The following ABCA13 variants were observed in gnomAD, a reference collection of about 807,000 sequenced individuals.
The protein encoded by ABCA13 is ATP-binding cassette sub-family A member 13.
In ABCA13, 476 loss-of-function variants were observed where a neutral mutation model predicts 478.7. That is an observed-to-expected ratio of 0.99 (90% CI 0.92 to 1.07). ABCA13 has a LOEUF of 1.07. Among genes scored for constraint, ABCA13 ranks in the 50% least tolerant of loss-of-function variants. The pLI is 0.00. For synonymous variants in ABCA13, 2,252 were observed against 2,158.9 expected, an observed-to-expected ratio of 1.04 and a Z score of -1.20; for missense variants, 6,060 against 5,910.6, an observed-to-expected ratio of 1.03 and a Z score of -0.83.
chr7:48,549,226 G>A lies in ABCA13; in HGVS notation c.14354+20881G>A, dbSNP rs576863576. On this transcript the variant is annotated intron_variant, in intron 55 of 61. Coordinates refer to ENST00000435803, the MANE Select transcript of ABCA13 (RefSeq NM_152701.5). ...CTTTCCCTCCCCTTGCCCTCTACCCGCCAACAGGCCCAGGTGTGTGTTGTT... is the reference window on the plus strand; with the variant it reads ...CTTTCCCTCCCCTTGCCCTCTACCCACCAACAGGCCCAGGTGTGTGTTGTT... 4.0e-5 allele frequency among the ~76,000 whole-genome samples: 6 copies of A among 151,526 alleles called. 1 individual carries two copies. The highest frequency in any genetic ancestry group is 1.4e-4 in the African/African-American group (6 of 41,408).
intron 55 of ABCA13, among the ~76,000 whole-genome samples, chr7:48,548,214 C>T (rs1413806495): frequency 6.6e-6 from 1 of 151,902 alleles, no homozygotes; most frequent in African/African-American, 2.4e-5. Context: ...ACATATATTT[C>T]TATATTCCTA....
chr7:48,305,400 G>A (rs1157296329), intron 23 of ABCA13, among the ~76,000 whole-genome samples: 1 of 152,146 alleles, frequency 6.6e-6, no homozygotes, highest in African/African-American at 2.4e-5. Flanking sequence ...GCTCAAATGG[G>A]TCCCCAATGG....
At chr7:48,443,628 G>A (rs938891884) in intron 42 of ABCA13, among the ~76,000 whole-genome samples, 4 of 152,150 alleles carry the variant, frequency 2.6e-5, no homozygotes, top group African/African-American at 7.2e-5. Context: ...ATCATTTGGA[G>A]TCTGCAGGCT....
intron 42 of ABCA13, among the ~76,000 whole-genome samples, chr7:48,440,841 G>A (rs79984270): frequency 0.02 from 3,040 of 152,004 alleles, 44 homozygotes; most frequent in Middle Eastern, 0.032. Flanking sequence ...AATAAAACAC[G>A]TGCAATAAAA....
chr7:48,244,607 C>T lies in ABCA13; in HGVS notation c.1294C>T (p.Leu432=), dbSNP rs779476708. 4.3e-6 allele frequency: 7 copies of T among 1,613,362 alleles called. No individual in the cohort carries two copies. In the African/African-American group the frequency reaches 6.7e-5, roughly 15 times the overall value. The change falls in exon 11 of 62, where the codon CTG becomes TTG. Residue 432 remains leucine (L), a synonymous_variant. Transcript: ENST00000435803. ...LQHLWKLQSL[L]QNLPQWPALK... is the part of the protein sequence containing the mutation. Reference sequence around the variant, plus strand: ...GCATCTGTGGAAATTGCAAAGCTTGCTGCAAAACCTGCCCCAGTGGCCGGC... The same window carrying T: ...GCATCTGTGGAAATTGCAAAGCTTGTTGCAAAACCTGCCCCAGTGGCCGGC...
Position 48,372,429 on chromosome 7 carries a change from A to C in ABCA13, c.11065A>C (p.Ser3689Arg), listed in dbSNP as rs1360293837. ...TTGTACCAGCCTGGTGTACATGATC[A>C]GCTTTCTGCCCTACATAGTTCTATT... The part of the protein sequence containing the change: ...ALCTSLVYMI[S>R]FLPYIVLLVL... The change falls in exon 33 of 62, where the codon AGC becomes CGC. Residue 3689 changes from serine (S) to arginine (R), a missense_variant. Ser to Arg is a moderately radical substitution (Grantham distance 110). Coordinates refer to ENST00000435803, the MANE Select transcript of ABCA13 (RefSeq NM_152701.5). 6.8e-6 allele frequency: 11 copies of C among 1,613,750 alleles called. No homozygotes were observed. Among genetic ancestry groups the C allele is most frequent in the Middle Eastern group, 1.7e-4 (1 of 6,060 alleles).
intron 42 of ABCA13, among the ~76,000 whole-genome samples, chr7:48,434,406 A>G (rs931802901): frequency 1.3e-5 from 2 of 151,912 alleles, no homozygotes; most frequent in Admixed American, 6.6e-5. Flanking sequence ...TTTTCTGGAT[A>G]TTAATCTCAT....
chr7:48,352,627 A>C, intron 31 of ABCA13, 140 bp downstream of exon 31: 1 of 985,034 alleles, frequency 1.0e-6, no homozygotes, highest in South Asian at 2.0e-5. Flanking sequence ...TAATTTCGTA[A>C]GGTTCATTTT....
At chr7:48,175,043 C>T (rs1409446948) in intron 1 of ABCA13, among the ~76,000 whole-genome samples, 3 of 152,168 alleles carry the variant, frequency 2.0e-5, no homozygotes, top group Non-Finnish European at 4.4e-5. Flanking sequence ...TGCTTTTGGG[C>T]AGGTGGAGAT....
chr7:48,438,386 G>A (rs1397166387), intron 42 of ABCA13, among the ~76,000 whole-genome samples: 1 of 152,018 alleles, frequency 6.6e-6, no homozygotes, highest in Non-Finnish European at 1.5e-5. Flanking sequence ...AGTTGTTTTA[G>A]TCAGTCTGTA....
intron 32 of ABCA13, among the ~76,000 whole-genome samples, chr7:48,369,484 G>A (rs1254169135): frequency 6.6e-6 from 1 of 152,078 alleles, no homozygotes; most frequent in Non-Finnish European, 1.5e-5. Flanking sequence ...GTATAGAAGG[G>A]TTTTTCTGAT....
chr7:48,361,011 GC>G (rs1297806271), intron 31 of ABCA13, among the ~76,000 whole-genome samples: 8 of 151,510 alleles, frequency 5.3e-5, no homozygotes, highest in Non-Finnish European at 1.0e-4. Context: ...GGGGAGAATT[GC>G]TTGAGCCCAG....
At chr7:48,538,176 C>T (rs973007971) in intron 55 of ABCA13, among the ~76,000 whole-genome samples, 2 of 144,124 alleles carry the variant, frequency 1.4e-5, no homozygotes, top group African/African-American at 5.2e-5. Context: ...TCTCAGCTCA[C>T]TGTAACCTCT....
chr7:48,556,938 T>G (rs1164006785), intron 55 of ABCA13, among the ~76,000 whole-genome samples: 1 of 152,116 alleles, frequency 6.6e-6, no homozygotes, highest in African/African-American at 2.4e-5. Flanking sequence ...TTCTGCTTTT[T>G]ATTTTGTTGT....
chr7:48,271,742 T>A, intron 16 of ABCA13, 45 bp from the exon 17 acceptor site: 1 of 1,152,138 alleles, frequency 8.7e-7, no homozygotes, highest in Non-Finnish European at 1.1e-6. Context: ...ATAAATCAAA[T>A]TTATTTTTTT....
At chr7:48,574,575 C>T (rs1023190474) in intron 55 of ABCA13, among the ~76,000 whole-genome samples, 1 of 152,146 alleles carries the variant, frequency 6.6e-6, no homozygotes, top group African/African-American at 2.4e-5. Context: ...CCTAGAGTTA[C>T]AGGGTTTTTC....
intron 54 of ABCA13, among the ~76,000 whole-genome samples, chr7:48,526,553 G>A (rs901965845): frequency 5.9e-5 from 9 of 152,100 alleles, no homozygotes; most frequent in African/African-American, 2.2e-4. Flanking sequence ...GTGTCATTAG[G>A]TGATTTCATT....
chr7:48,338,040 G>C (rs1015222602), intron 28 of ABCA13, among the ~76,000 whole-genome samples: 1 of 152,094 alleles, frequency 6.6e-6, no homozygotes, highest in Non-Finnish European at 1.5e-5. Flanking sequence ...GCAAAGGAAA[G>C]GAATCTTATA....
Position 48,313,101 on chromosome 7 carries a change from A to G in ABCA13, c.9551A>G (p.Asn3184Ser), listed in dbSNP as rs112606040. 19,259 of 1,609,066 alleles carry G rather than the reference A, an allele frequency of 0.012. 235 individuals carry two copies. The highest frequency in any genetic ancestry group is 0.059 in the Middle Eastern group (357 of 6,032). Reference protein sequence around the residue: ...LMPSEANGLLNSLLDIVSSLS... With the variant: ...LMPSEANGLLSSLLDIVSSLS... Reference sequence around the variant, plus strand: ...CCTTCTGAAGCAAATGGCTTGCTCAACTCCTTGCTGGATATAGTTTCCAGC... The same window carrying G: ...CCTTCTGAAGCAAATGGCTTGCTCAGCTCCTTGCTGGATATAGTTTCCAGC... The change falls in exon 25 of 62, where the codon AAC (asparagine) becomes AGC (serine). Residue 3184 changes from asparagine (N) to serine (S), a missense_variant. By Grantham distance (46) the Asn-to-Ser change is conservative (BLOSUM62 1). Around this residue, in one of 3 missense-constraint regions of ABCA13, gnomAD observed 4,423 missense variants for 4,309.1 expected, o/e 1.03. Coordinates refer to ENST00000435803, the MANE Select transcript of ABCA13 (RefSeq NM_152701.5).
Sources: gnomAD v4.1 joint callset for allele counts (sites outside exome capture counted in the v4.1 genomes callset) on GRCh38, gnomAD v4.1.1 for gene constraint, gnomAD v4.1.1 regional missense constraint, MANE v1.5 for transcripts, NCBI Gene and HGNC (gene_info 2026-07-23, HGNC 2026-07-21) for gene names.